Variants in GRM8 observed in about 807,000 individuals in gnomAD.
GRM8 encodes metabotropic glutamate receptor 8.
GRM8 carries 47 observed loss-of-function variants against 87.2 expected under a neutral mutation model. The observed-to-expected ratio is 0.54, with a 90% CI of 0.43 to 0.69. The LOEUF (loss-of-function observed/expected upper bound fraction) is 0.69, where lower values mean the gene tolerates loss of function less well. GRM8 is among the 30% of genes least tolerant of loss of function. The pLI is 0.00. For synonymous variants in GRM8, 396 were observed against 404.5 expected, an observed-to-expected ratio of 0.98 and a Z score of 0.25; for missense variants, 1,019 against 1,139.2, an observed-to-expected ratio of 0.89 and a Z score of 1.52.
intron 8 of GRM8, among the ~76,000 whole-genome samples, chr7:126,581,463 A>G (rs1042624992): frequency 6.6e-6 from 1 of 152,146 alleles, no homozygotes; most frequent in African/African-American, 2.4e-5. Context: ...AAGAGTGAGA[A>G]GAACTCTCAG....
chr7:127,110,645 T>C (rs1826262389), intron 2 of GRM8, among the ~76,000 whole-genome samples: 1 of 152,198 alleles, frequency 6.6e-6, no homozygotes, highest in Non-Finnish European at 1.5e-5. Flanking sequence ...GATTCCACTT[T>C]TCTAACAATT....
intron 7 of GRM8, among the ~76,000 whole-genome samples, chr7:126,733,452 G>A (rs1585709422): frequency 6.7e-6 from 1 of 149,312 alleles, no homozygotes; most frequent in Non-Finnish European, 1.5e-5. Context: ...TAAGTGGCTT[G>A]CTTGGAAAAA....
intron 8 of GRM8, 70 bp from the exon 9 acceptor site, chr7:126,533,957 G>T: frequency 8.8e-7 from 1 of 1,131,576 alleles, no homozygotes; most frequent in Non-Finnish European, 1.3e-6. Context: ...CTAGCCACGG[G>T]TTTGTAATGA....
At chr7:126,989,988 C>A (rs1005902128) in intron 3 of GRM8, among the ~76,000 whole-genome samples, 1 of 151,964 alleles carries the variant, frequency 6.6e-6, no homozygotes, top group African/African-American at 2.4e-5. Context: ...GAGAAAAGCA[C>A]CCCGAAGCCC....
intron 10 of GRM8, chr7:126,445,148 G>A (rs79134629): frequency 0.071 from 10,797 of 152,158 alleles, 422 homozygotes; most frequent in Middle Eastern, 0.12. Context: ...CTGGGCAACA[G>A]AGCAAGCTCC....
At chr7:127,110,306 C>A (rs1243942214) in intron 2 of GRM8, among the ~76,000 whole-genome samples, 1 of 152,212 alleles carries the variant, frequency 6.6e-6, no homozygotes, top group Non-Finnish European at 1.5e-5. Context: ...GAAGACAACA[C>A]TGCTGTGGCT....
At position 127,252,153 on chromosome 7, in the gene GRM8, C is replaced by T. The variant is rs1279118814; in HGVS notation, c.-312+644G>A. 2.0e-5 allele frequency: 3 copies of T among 152,180 alleles called. No individual in the cohort carries two copies. Among genetic ancestry groups the T allele is most frequent in the African/African-American group, 7.2e-5 (3 of 41,412 alleles). The allele number at this position is 152,180 out of a possible 1,614,324, so 9.4% of individuals were successfully genotyped here. A position where few individuals can be genotyped will look rare whatever the true frequency, so the allele number is the denominator to read the frequency against. ...CCTCGTCATCTCGGCGGGGCAAGTC[C>T]GGATTCCACCAGGGCAGGTCCGGGA... On this transcript the variant is annotated intron_variant, in intron 1 of 10. Transcript: ENST00000339582. This position sits in a 1 kb window ranked among gnomAD's most constrained non-coding sequence, Gnocchi z 4.9.
intron 6 of GRM8, among the ~76,000 whole-genome samples, chr7:126,875,260 C>G (rs1799436369): frequency 6.7e-6 from 1 of 150,302 alleles, no homozygotes; most frequent in Admixed American, 6.6e-5. Flanking sequence ...GGTATTACAA[C>G]TGTAAGTAAT....
chr7:127,018,414 C>CTTTT (rs113155218), intron 3 of GRM8, among the ~76,000 whole-genome samples: 1 of 133,172 alleles, frequency 7.5e-6, no homozygotes, highest in African/African-American at 2.7e-5. Flanking sequence ...CTTAAAGTGG[C>CTTTT]TTTTTTTTTT....
At chr7:126,860,419 A>T (rs1798049410) in intron 6 of GRM8, among the ~76,000 whole-genome samples, 1 of 152,204 alleles carries the variant, frequency 6.6e-6, no homozygotes, top group South Asian at 2.1e-4. Flanking sequence ...ATAATTATTT[A>T]TATGAATAAG....
At chr7:127,144,366 C>T (rs1214308762) in intron 2 of GRM8, among the ~76,000 whole-genome samples, 1 of 152,094 alleles carries the variant, frequency 6.6e-6, no homozygotes, top group Admixed American at 6.6e-5. Flanking sequence ...GCTGGTAGGG[C>T]ACACTGGATG....
intron 2 of GRM8, among the ~76,000 whole-genome samples, chr7:127,186,747 C>T (rs1794760037): frequency 6.6e-6 from 1 of 152,154 alleles, no homozygotes; most frequent in African/African-American, 2.4e-5. Context: ...AGTTGTAATG[C>T]AAGAGATCTT....
chr7:126,851,157 C>T (rs1399719279), intron 6 of GRM8, among the ~76,000 whole-genome samples: 1 of 152,048 alleles, frequency 6.6e-6, no homozygotes, highest in Non-Finnish European at 1.5e-5. Context: ...GACCCCAAAC[C>T]TTTCTTGACT....
intron 2 of GRM8, among the ~76,000 whole-genome samples, chr7:127,232,212 T>TGTGTGTGTGTGTGTGTGTGTGTGTGA (rs1491132484): frequency 2.9e-4 from 41 of 143,632 alleles, no homozygotes; most frequent in Admixed American, 7.8e-4. Context: ...TGTGTGTGTG[T>TGTGTGTGTGTGTGTGTGTGTGTGTGA]GAGAGAGAGA....
intron 3 of GRM8, among the ~76,000 whole-genome samples, chr7:127,091,794 C>G (rs1470069747): frequency 8.4e-6 from 1 of 118,898 alleles, no homozygotes; most frequent in Non-Finnish European, 1.8e-5. Context: ...GATGACTCCC[C>G]ACCCCCGCGG....
At chr7:126,856,154 T>C (rs1286059035) in intron 6 of GRM8, among the ~76,000 whole-genome samples, 3 of 152,078 alleles carry the variant, frequency 2.0e-5, no homozygotes, top group Non-Finnish European at 4.4e-5. Context: ...AAATAATTAA[T>C]AAAAGAACAG....
intron 8 of GRM8, among the ~76,000 whole-genome samples, chr7:126,551,036 A>T (rs926949734): frequency 1.3e-4 from 20 of 151,782 alleles, no homozygotes; most frequent in African/African-American, 4.8e-4. Context: ...TAAATAAAAT[A>T]ATAATATAAC....
chr7:126,824,651 C>T (rs892618327), intron 6 of GRM8, among the ~76,000 whole-genome samples: 3 of 152,174 alleles, frequency 2.0e-5, no homozygotes, highest in Non-Finnish European at 4.4e-5. Context: ...CAGTCATGAC[C>T]ACTAATGGCA....
At chr7:126,882,819 G>T (rs1253405888) in intron 6 of GRM8, among the ~76,000 whole-genome samples, 4 of 152,026 alleles carry the variant, frequency 2.6e-5, no homozygotes, top group African/African-American at 9.7e-5. Flanking sequence ...CAGAGAAAAA[G>T]CATCTACCCC....
Sources: allele counts gnomAD v4.1 joint callset (sites outside exome capture counted in the v4.1 genomes callset), GRCh38; gene constraint gnomAD v4.1.1; non-coding constraint Gnocchi (gnomAD v3.1); transcripts MANE v1.5; gene names NCBI Gene and HGNC (gene_info 2026-07-23, HGNC 2026-07-21).